AGBL4: variants seen among roughly 807,000 people sequenced by gnomAD.
The protein encoded by AGBL4 is cytosolic carboxypeptidase 6.
In AGBL4, 58 loss-of-function variants were observed where a neutral mutation model predicts 66.4. The ratio of observed to expected loss-of-function variants is 0.87; its 90% CI spans 0.71 to 1.09. The LOEUF is 1.09. Ranked by LOEUF, AGBL4 falls within the 50% of genes least tolerant of loss-of-function variation. The probability of loss-of-function intolerance (pLI) is 0.00; values close to 1 mark genes in which losing one functional copy is unlikely to be tolerated. For synonymous variants in AGBL4, 234 were observed against 222.9 expected (o/e 1.05, Z -0.44); for missense variants, 579 against 631.0 (o/e 0.92, Z 0.88).
intron 3 of AGBL4, among the ~76,000 whole-genome samples, chr1:49,395,742 T>C (rs1473590028): frequency 1.3e-4 from 19 of 142,338 alleles, no homozygotes; most frequent in African/African-American, 4.2e-4. Context: ...TGTATATATA[T>C]ATATGTATAT....
chr1:49,342,825 A>G (rs994228567), intron 3 of AGBL4, among the ~76,000 whole-genome samples: 3 of 152,190 alleles, frequency 2.0e-5, no homozygotes, highest in Admixed American at 2.0e-4. Context: ...TGGAAATTCT[A>G]GATCTTATAA....
At chr1:49,372,607 T>C (rs570509701) in intron 3 of AGBL4, among the ~76,000 whole-genome samples, 5 of 111,172 alleles carry the variant, frequency 4.5e-5, no homozygotes, top group African/African-American at 1.0e-4. Flanking sequence ...TTCTTTTTCT[T>C]TTTCTTTCTT....
chr1:48,566,987 T>G (rs1471110346), intron 11 of AGBL4, among the ~76,000 whole-genome samples: 1 of 152,154 alleles, frequency 6.6e-6, no homozygotes, highest in Non-Finnish European at 1.5e-5. Context: ...AAAAACTGCA[T>G]GAGTCAATTT....
chr1:49,947,267 C>G (rs753439187), intron 1 of AGBL4, among the ~76,000 whole-genome samples: 3 of 151,800 alleles, frequency 2.0e-5, no homozygotes, highest in Non-Finnish European at 4.4e-5. Context: ...ACTAATACCC[C>G]TAATGAACAT....
intron 2 of AGBL4, among the ~76,000 whole-genome samples, chr1:49,792,128 T>G (rs1644616614): frequency 6.6e-6 from 1 of 152,046 alleles, no homozygotes; most frequent in Non-Finnish European, 1.5e-5. Context: ...TTGTCTTCCT[T>G]TTTATAATAT....
At chr1:49,504,808 GC>G (rs1648526704) in intron 3 of AGBL4, among the ~76,000 whole-genome samples, 1 of 151,818 alleles carries the variant, frequency 6.6e-6, no homozygotes, top group Admixed American at 6.6e-5. Context: ...GCATGCTATG[GC>G]TTTTGATTGG....
chr1:48,787,656 C>T (rs1302474384), intron 6 of AGBL4, among the ~76,000 whole-genome samples: 5 of 152,036 alleles, frequency 3.3e-5, no homozygotes, highest in Non-Finnish European at 7.4e-5. Flanking sequence ...TATTGGGGTG[C>T]AGAATATTAA....
At chr1:48,522,551 C>T in the AGBL4 span, among the ~76,000 whole-genome samples, 1 of 152,198 alleles carries the variant, frequency 6.6e-6, no homozygotes. Flanking sequence ...TATTTATTCT[C>T]TTTGGCAGCT....
At chr1:49,622,072 T>C (rs1436036414) in intron 3 of AGBL4, among the ~76,000 whole-genome samples, 5 of 152,230 alleles carry the variant, frequency 3.3e-5, no homozygotes, top group African/African-American at 1.2e-4. Flanking sequence ...GGATTTATTT[T>C]ACTTACTATG....
chr1:49,304,529 A>G (rs1023310368), intron 3 of AGBL4, among the ~76,000 whole-genome samples: 1 of 152,182 alleles, frequency 6.6e-6, no homozygotes, highest in Non-Finnish European at 1.5e-5. Flanking sequence ...GTAGGCAGGT[A>G]CAGGGGAGAG....
intron 4 of AGBL4, among the ~76,000 whole-genome samples, chr1:49,146,343 T>C (rs1041425556): frequency 2.0e-5 from 3 of 152,138 alleles, no homozygotes; most frequent in Admixed American, 1.3e-4. Context: ...TGCATGCTTG[T>C]ACCAAAATAT....
intron 3 of AGBL4, among the ~76,000 whole-genome samples, chr1:49,308,282 A>G (rs935989075): frequency 5.3e-5 from 8 of 152,112 alleles, no homozygotes; most frequent in East Asian, 1.9e-4. Flanking sequence ...AGTAGTTTAA[A>G]TGTTCTATTG....
At chr1:49,264,386 G>A (rs920623334) in intron 3 of AGBL4, among the ~76,000 whole-genome samples, 8 of 152,044 alleles carry the variant, frequency 5.3e-5, no homozygotes, top group South Asian at 2.1e-4. Flanking sequence ...TTTTCCAAAC[G>A]GTTAGCAAGT....
chr1:48,886,989 C>T (rs1289479401), intron 5 of AGBL4, among the ~76,000 whole-genome samples: 1 of 152,006 alleles, frequency 6.6e-6, no homozygotes, highest in African/African-American at 2.4e-5. Flanking sequence ...CTGTGGGATC[C>T]CATGGAGGAA....
chr1:49,444,540 T>C (rs1025143721), intron 3 of AGBL4, among the ~76,000 whole-genome samples: 1 of 152,028 alleles, frequency 6.6e-6, no homozygotes, highest in Non-Finnish European at 1.5e-5. Context: ...TTTTTTTTCC[T>C]TTTTTTACTG....
chr1:49,360,133 G>A (rs751583371), intron 3 of AGBL4, among the ~76,000 whole-genome samples: 1 of 151,976 alleles, frequency 6.6e-6, no homozygotes, highest in Non-Finnish European at 1.5e-5. Flanking sequence ...CTGATGCTTT[G>A]GTCTGAAATA....
chr1:49,659,555 G>A (rs576055770), intron 3 of AGBL4, among the ~76,000 whole-genome samples: 36 of 152,072 alleles, frequency 2.4e-4, no homozygotes, highest in African/African-American at 8.7e-4. Flanking sequence ...ACAAAGAAGG[G>A]CATTACATAA....
intron 7 of AGBL4, among the ~76,000 whole-genome samples, chr1:48,661,598 T>C (rs947155718): frequency 1.3e-5 from 2 of 152,202 alleles, no homozygotes; most frequent in Non-Finnish European, 2.9e-5. Flanking sequence ...CTCAGCACCA[T>C]CCAAAGATTC....
At chr1:49,550,560 T>A (rs956325092) in intron 3 of AGBL4, among the ~76,000 whole-genome samples, 3 of 152,190 alleles carry the variant, frequency 2.0e-5, no homozygotes, top group Admixed American at 2.0e-4. Context: ...TCATACATGA[T>A]GCTTAGTTTT....
Sources: allele counts gnomAD v4.1 joint callset (sites outside exome capture counted in the v4.1 genomes callset), GRCh38; gene constraint gnomAD v4.1.1; transcripts MANE v1.5; gene names NCBI Gene and HGNC (gene_info 2026-07-23, HGNC 2026-07-21).